The following TBC1D2 variants were observed in gnomAD, a reference collection of about 807,000 sequenced individuals.
TBC1D2 encodes the protein TBC1 domain family member 2A.
Under a neutral mutation model 91.1 loss-of-function variants are expected in TBC1D2, and 58 were observed. The observed-to-expected ratio is 0.64, with a 90% CI of 0.52 to 0.79. The LOEUF (loss-of-function observed/expected upper bound fraction) is 0.79. Among genes scored for constraint, TBC1D2 ranks in the 30% least tolerant of loss-of-function variants. The pLI is 0.00. For missense variants in TBC1D2, 1,080 were observed against 1,208.3 expected (o/e 0.89, Z 1.57); for synonymous variants, 482 against 511.5 (o/e 0.94, Z 0.78).
rs1828408613 is a variant in TBC1D2, at chr9:98,199,028, A to G, written c.*353T>C. 1 of 368,384 alleles carries G rather than the reference A, an allele frequency of 2.7e-6. No individual in the cohort carries two copies. The highest frequency in any genetic ancestry group is 5.0e-6 in the Non-Finnish European group (1 of 199,414). 22.8% of individuals were successfully genotyped at this position (368,384 alleles called of 1,614,324 possible). ...GAGAACTGTTTAAGTTCCAAAGCTTATGAATGATTTCCACCATTTACATTG... is the reference window on the plus strand; with the variant it reads ...GAGAACTGTTTAAGTTCCAAAGCTTGTGAATGATTTCCACCATTTACATTG... On this transcript the variant is annotated 3_prime_UTR_variant, in exon 13 of 13. Transcript: ENST00000465784.
intron 2 of TBC1D2, among the ~76,000 whole-genome samples, chr9:98,248,520 T>C (rs1829811534): frequency 6.6e-6 from 1 of 152,242 alleles, no homozygotes; most frequent in Non-Finnish European, 1.5e-5. Flanking sequence ...TAGAGGGCCC[T>C]GGACGAGTGC....
intron 5 of TBC1D2, among the ~76,000 whole-genome samples, chr9:98,226,554 A>C (rs1829237827): frequency 6.6e-6 from 1 of 152,196 alleles, no homozygotes; most frequent in South Asian, 2.1e-4. Context: ...TTAGGGCCAG[A>C]ATTTGAGCCT....
chr9:98,230,867 C>T (rs530463923), intron 4 of TBC1D2, among the ~76,000 whole-genome samples: 3 of 152,116 alleles, frequency 2.0e-5, no homozygotes, highest in African/African-American at 4.8e-5. Context: ...GGCAACAGAG[C>T]GAGACTCTGA....
intron 5 of TBC1D2, among the ~76,000 whole-genome samples, chr9:98,226,826 G>A (rs1201224426): frequency 6.6e-6 from 1 of 152,168 alleles, no homozygotes; most frequent in Non-Finnish European, 1.5e-5. Flanking sequence ...GAATATATGG[G>A]AGTTGTCAAT....
Position 98,255,426 on chromosome 9 carries a change from C to A in TBC1D2, c.116G>T (p.Arg39Leu). ...PPEEESGDCA[R>L]SLEAVPKKLC... ...TTTCTTGGGGACCGCCTCCAGGGAC[C>A]GGGCGCAGTCCCCCGATTCTTCCTC... The change falls in exon 1 of 13, where the codon CGG (arginine) becomes CTG (leucine). Residue 39 changes from arginine (R) to leucine (L), a missense_variant. Physicochemically the swap from Arg to Leu is moderately radical, Grantham distance 102. Coordinates refer to ENST00000465784, the MANE Select transcript of TBC1D2 (RefSeq NM_001267571.2). The A allele has an allele frequency of 6.2e-7, 1 of 1,610,544 alleles. No homozygotes were observed. Among genetic ancestry groups the A allele is most frequent in the Non-Finnish European group, 8.5e-7 (1 of 1,177,438 alleles).
chr9:98,200,473 T>C lies in TBC1D2; in HGVS notation c.2458-99A>G, dbSNP rs1828463142. ...CAGACTTGGGCAGTATGGAAGACCC[T>C]GGACTGGCTGCGGAAGTTGAGGCCT... On this transcript the variant is annotated intron_variant, in intron 11 of 12. Coordinates refer to ENST00000465784, the MANE Select transcript of TBC1D2 (RefSeq NM_001267571.2). 3.4e-5 allele frequency: 36 copies of C among 1,071,552 alleles called. No individual in the cohort carries two copies. In the Middle Eastern group the frequency reaches 9.7e-4, roughly 29 times the overall value. 66.4% of individuals were successfully genotyped at this position (1,071,552 alleles called of 1,614,324 possible).
intron 2 of TBC1D2, 44 bp from the exon 3 acceptor site, chr9:98,244,173 C>T: frequency 6.2e-7 from 1 of 1,607,316 alleles, no homozygotes; most frequent in Non-Finnish European, 8.5e-7. Context: ...GGTCACTGCA[C>T]TTGGAAAGAC....
Position 98,200,363 on chromosome 9 carries a change from G to A in TBC1D2, c.2469C>T (p.Arg823=), listed in dbSNP as rs2118975306. 1 of 1,605,182 alleles carries A rather than the reference G, an allele frequency of 6.2e-7. No individual in the cohort carries two copies. Among genetic ancestry groups the A allele is most frequent in the East Asian group, 2.3e-5 (1 of 44,330 alleles). Residue 823 remains arginine (R), a synonymous_variant, in exon 12 of 13, where the codon CGC becomes CGT. Coordinates refer to ENST00000465784, the MANE Select transcript of TBC1D2 (RefSeq NM_001267571.2). ...FLYEGTKVVF[R]YALAIFKYNE... Reference sequence around the variant, plus strand: ...TGTACTTGAAAATGGCCAAGGCATAGCGAAACACCACCTGGGGGTAGAGTG... The same window carrying A: ...TGTACTTGAAAATGGCCAAGGCATAACGAAACACCACCTGGGGGTAGAGTG...
At chr9:98,252,015 G>A (rs1345786853) in intron 1 of TBC1D2, 89 bp from the exon 2 acceptor site, 1 of 1,487,828 alleles carries the variant, frequency 6.7e-7, no homozygotes, top group Non-Finnish European at 8.9e-7. Context: ...GGAGGCTTAG[G>A]AATGCTTTCT....
chr9:98,222,708 C>T (rs555005193), intron 5 of TBC1D2, among the ~76,000 whole-genome samples: 8 of 152,378 alleles, frequency 5.3e-5, no homozygotes, highest in African/African-American at 1.9e-4. Context: ...TCAGGCAACA[C>T]TGCCCTGCTC....
intron 3 of TBC1D2, among the ~76,000 whole-genome samples, chr9:98,238,031 G>A (rs1026029541): frequency 1.3e-5 from 2 of 148,190 alleles, no homozygotes; most frequent in Non-Finnish European, 2.9e-5. Context: ...AGCCTCCCAA[G>A]TAGCTAGGAT....
Position 98,255,205 on chromosome 9 carries a change from T to C in TBC1D2, c.337A>G (p.Ile113Val), listed in dbSNP as rs1829947375. The C allele has an allele frequency of 6.2e-7, 1 of 1,610,486 alleles. No individual in the cohort carries two copies. The highest frequency in any genetic ancestry group is 8.5e-7 in the Non-Finnish European group (1 of 1,177,342). The part of the protein sequence containing the change: ...KADAEEGIFE[I>V]KTPSRVITLK... ...GTAATAACCCGGCTGGGAGTCTTGA[T>C]TTCGAAGATCCCCTCCTCAGCGTCC... Residue 113 changes from isoleucine (I) to valine (V), a missense_variant, in exon 1 of 13, where the codon ATC (isoleucine) becomes GTC (valine). Physicochemically the swap from Ile to Val is conservative, Grantham distance 29. Coordinates refer to ENST00000465784, the MANE Select transcript of TBC1D2 (RefSeq NM_001267571.2).
Position 98,208,859 on chromosome 9 carries a change from C to G in TBC1D2, c.1959G>C (p.Gln653His). The part of the protein sequence containing the change: ...VQHLHTPGCY[Q>H]ELLSRGQARE... ...GGGCCTGGCCCCGGCTCAGCAGTTCCTGGTAGCAGCCTGGAGTGTGCAGGT... is the reference window on the plus strand; with the variant it reads ...GGGCCTGGCCCCGGCTCAGCAGTTCGTGGTAGCAGCCTGGAGTGTGCAGGT... The change falls in exon 9 of 13, where the codon CAG becomes CAC. Residue 653 changes from glutamine (Q) to histidine (H), a missense_variant. Transcript: ENST00000465784. 5.0e-6 allele frequency: 8 copies of G among 1,613,210 alleles called. No individual in the cohort carries two copies. Among genetic ancestry groups the G allele is most frequent in the South Asian group, 1.1e-5 (1 of 91,046 alleles).
At chr9:98,209,178 C>A (rs1828746533) in intron 8 of TBC1D2, 34 bp from the exon 9 acceptor site, 1 of 1,585,550 alleles carries the variant, frequency 6.3e-7, no homozygotes, top group African/African-American at 1.3e-5. Flanking sequence ...CAACACCTTG[C>A]AGAGCCCTTC....
chr9:98,199,523 C>CGCAGCT lies in TBC1D2; in HGVS notation c.2639_2644dup (p.Gln880_Leu881dup). On this transcript the variant is annotated inframe_insertion, in exon 13 of 13. Transcript: ENST00000465784. ...CTCCAGCCGCTCCCGGTGGACCATG[C>CGCAGCT]GCAGCTGCCGCAGCTGTTTCATGCG... is the stretch of plus-strand genomic sequence containing the variant. 6.2e-7 allele frequency: 1 copy of CGCAGCT among 1,614,136 alleles called. No individual in the cohort carries two copies. The highest frequency in any genetic ancestry group is 8.5e-7 in the Non-Finnish European group (1 of 1,180,046).
chr9:98,247,646 T>C (rs1419696225), intron 2 of TBC1D2, among the ~76,000 whole-genome samples: 2 of 150,340 alleles, frequency 1.3e-5, no homozygotes, highest in Non-Finnish European at 2.9e-5. Context: ...GGAGAATCAT[T>C]TGAACCCAGG....
At chr9:98,209,237 G>T in intron 8 of TBC1D2, 93 bp from the exon 9 acceptor site, 1 of 1,270,118 alleles carries the variant, frequency 7.9e-7, no homozygotes, top group Non-Finnish European at 1.1e-6. Context: ...CCAGGTTCCT[G>T]CCCTGCCTTC....
chr9:98,253,282 G>T (rs1829907889), intron 1 of TBC1D2, among the ~76,000 whole-genome samples: 1 of 152,020 alleles, frequency 6.6e-6, no homozygotes, highest in African/African-American at 2.4e-5. Context: ...ACCCAACCAG[G>T]CAGTCAGCCA....
chr9:98,208,623 T>A (rs1336755819), intron 9 of TBC1D2, 45 bp downstream of exon 9: 3 of 1,504,828 alleles, frequency 2.0e-6, no homozygotes, highest in Non-Finnish European at 2.7e-6. Flanking sequence ...GGACCTGCGC[T>A]CCAAAAGGTA....
Sources: gnomAD v4.1 joint callset for allele counts (sites outside exome capture counted in the v4.1 genomes callset) on GRCh38, gnomAD v4.1.1 for gene constraint, MANE v1.5 for transcripts, NCBI Gene and HGNC (gene_info 2026-07-23, HGNC 2026-07-21) for gene names.